NPHP3: variants seen among roughly 807,000 people sequenced by gnomAD.
NPHP3 encodes nephrocystin-3.
Under a neutral mutation model 171.9 loss-of-function variants are expected in NPHP3, and 123 were observed. The ratio of observed to expected loss-of-function variants is 0.72; its 90% CI spans 0.62 to 0.83. The LOEUF (loss-of-function observed/expected upper bound fraction) is 0.83. Ranked by LOEUF, NPHP3 falls within the 40% of genes least tolerant of loss-of-function variation. The pLI is 0.00. For synonymous variants in NPHP3, 558 were observed against 579.2 expected (o/e 0.96, Z 0.52); for missense variants, 1,506 against 1,591.9 (o/e 0.95, Z 0.92).
chr3:132,689,539 A>G (rs1939248114), intron 19 of NPHP3, among the ~76,000 whole-genome samples: 2 of 152,186 alleles, frequency 1.3e-5, no homozygotes, highest in African/African-American at 4.8e-5. Flanking sequence ...ATTATGGCAC[A>G]CAGTAAGTAC....
chr3:132,695,579 C>T (rs1939432316), intron 15 of NPHP3, among the ~76,000 whole-genome samples: 1 of 152,114 alleles, frequency 6.6e-6, no homozygotes, highest in Non-Finnish European at 1.5e-5. Context: ...CTCATTGTAT[C>T]ACTGATGTTC....
intron 9 of NPHP3, 62 bp from the exon 10 acceptor site, chr3:132,701,595 C>G: frequency 9.7e-7 from 1 of 1,030,158 alleles, no homozygotes; most frequent in Middle Eastern, 2.1e-4. Context: ...ACTGAAGAGT[C>G]AACTTCTGAT....
At chr3:132,714,218 C>T (rs559968220) in intron 5 of NPHP3, among the ~76,000 whole-genome samples, 1 of 152,316 alleles carries the variant, frequency 6.6e-6, no homozygotes, top group South Asian at 2.1e-4. Flanking sequence ...CATATAATTT[C>T]CACATGTCAT....
chr3:132,717,006 A>T (rs1576686030), intron 3 of NPHP3, 97 bp from the exon 4 acceptor site: 2 of 1,273,130 alleles, frequency 1.6e-6, no homozygotes, highest in East Asian at 4.7e-5. Flanking sequence ...TTTAAAAAAT[A>T]TGAAAATATT....
In NPHP3 at chr3:132,683,527, A is replaced by G. The variant is rs751979531; in HGVS notation, c.3571-3T>C. The G allele has an allele frequency of 3.7e-6, 6 of 1,610,358 alleles. No individual in the cohort carries two copies. The East Asian group carries it at 8.9e-5, about 24-fold the overall frequency. ...GGTACAGCTTTGTCAAGTTTCCCCT[A>G]AAAAACAAGAGTTAAATCTAACAAA... On this transcript the variant is annotated splice_region_variant and splice_polypyrimidine_tract_variant and intron_variant, in intron 24 of 26. Coordinates refer to ENST00000337331, the MANE Select transcript of NPHP3 (RefSeq NM_153240.5).
chr3:132,719,660 A>AT, intron 2 of NPHP3, 45 bp downstream of exon 2: 1 of 1,330,406 alleles, frequency 7.5e-7, no homozygotes, highest in South Asian at 1.6e-5. Context: ...AGAATATACT[A>AT]TTTTATTCTA....
chr3:132,708,645 T>C (rs1425514699), intron 6 of NPHP3, among the ~76,000 whole-genome samples: 5 of 152,332 alleles, frequency 3.3e-5, no homozygotes, highest in East Asian at 3.9e-4. Context: ...ATAATTTCCA[T>C]GTTAACACAA....
chr3:132,718,252 ATT>A (rs1224233966), intron 3 of NPHP3: 1 of 284,134 alleles, frequency 3.5e-6, no homozygotes, highest in Non-Finnish European at 6.8e-6. Context: ...AAAATAGAAT[ATT>A]TTTCTTTTTT....
chr3:132,689,239 A>G lies in NPHP3; in HGVS notation c.2718T>C (p.Ser906=). The G allele has an allele frequency of 6.2e-7, 1 of 1,614,186 alleles. No individual in the cohort carries two copies. Among genetic ancestry groups the G allele is most frequent in the Non-Finnish European group, 8.5e-7 (1 of 1,179,974 alleles). The change falls in exon 20 of 27, where the codon AGT becomes AGC. Residue 906 remains serine (S), a synonymous_variant. Coordinates refer to ENST00000337331, the MANE Select transcript of NPHP3 (RefSeq NM_153240.5). ...YKRGHFAELL[S]YWQFVGKDKS... is the part of the protein sequence containing the mutation. ...TGTCTTTGCCAACAAACTGCCAATA[A>G]CTCAGCAACTCAGCAAAGTGTCCCC...
rs140740929 is a variant in NPHP3 at position 132,697,430 on chromosome 3, A to G, written c.1986-68T>C. On this transcript the variant is annotated intron_variant, in intron 13 of 26. Transcript: ENST00000337331. ...CAAGAACTGTAATTACCCATAACAC[A>G]ATTTAAAATCCACCACAGGAATTAA... 2.7e-4 allele frequency: 278 copies of G among 1,036,096 alleles called. No individual in the cohort carries two copies. In the African/African-American group the frequency reaches 3.6e-3, roughly 13 times the overall value. The allele number at this position is 1,036,096 out of a possible 1,614,324, so 64.2% of individuals were successfully genotyped here.
chr3:132,721,661 G>C lies in NPHP3; in HGVS notation c.393+302C>G, dbSNP rs1370552454. 3.6e-6 allele frequency: 2 copies of C among 558,058 alleles called. 1 individual carries two copies. Among genetic ancestry groups the C allele is most frequent in the South Asian group, 3.5e-5 (2 of 57,714 alleles). The allele number at this position is 558,058 out of a possible 1,614,324, so 34.6% of individuals were successfully genotyped here. ...CCAGAAATAGAAAAGCGGGGACCAG[G>C]CGCGGTGGCTCACTCCTGTAATCCC... On this transcript the variant is annotated intron_variant, in intron 1 of 26. Transcript: ENST00000337331.
chr3:132,695,259 A>G (rs1404071119), intron 15 of NPHP3: 9 of 306,850 alleles, frequency 2.9e-5, no homozygotes, highest in Non-Finnish European at 5.6e-5. Flanking sequence ...TATTATCCAG[A>G]AGCATGCCAC....
At chr3:132,690,476 A>C in intron 19 of NPHP3, 52 bp downstream of exon 19, 1 of 1,563,782 alleles carries the variant, frequency 6.4e-7, no homozygotes, top group South Asian at 1.1e-5. Flanking sequence ...TGTTAAACTG[A>C]ACAACTTTAA....
chr3:132,713,727 T>C (rs913683896), intron 5 of NPHP3, among the ~76,000 whole-genome samples: 2 of 152,164 alleles, frequency 1.3e-5, no homozygotes, highest in Non-Finnish European at 2.9e-5. Context: ...AACACATAAA[T>C]CTATAATTAA....
At chr3:132,698,216 C>CAGGT in intron 13 of NPHP3, among the ~76,000 whole-genome samples, 1 of 151,682 alleles carries the variant, frequency 6.6e-6, no homozygotes. Flanking sequence ...CCTGACCTCC[C>CAGGT]GATCCACCCG....
At chr3:132,694,355 A>G (rs1399429428) in intron 16 of NPHP3, among the ~76,000 whole-genome samples, 1 of 143,926 alleles carries the variant, frequency 6.9e-6, no homozygotes, top group East Asian at 2.0e-4. Flanking sequence ...GAAGGAAATT[A>G]TGTGTGTGTG....
At chr3:132,696,043 G>A (rs1249419721) in intron 15 of NPHP3, among the ~76,000 whole-genome samples, 1 of 151,898 alleles carries the variant, frequency 6.6e-6, no homozygotes, top group Admixed American at 6.6e-5. Context: ...GAGACAAGAA[G>A]TACTAGATTC....
intron 23 of NPHP3, 197 bp downstream of exon 23, chr3:132,686,061 AAG>A (rs1365348389): frequency 2.6e-5 from 14 of 532,290 alleles, no homozygotes; most frequent in Admixed American, 9.4e-5. Flanking sequence ...AAAAAAAAAA[AAG>A]AGTGTGAAAA....
In NPHP3 at chr3:132,702,986, C is replaced by T. The variant is rs528041386; in HGVS notation, c.1524+1212G>A. Among the ~76,000 whole-genome samples, 11 of 152,336 alleles carry T rather than the reference C, an allele frequency of 7.2e-5. No homozygotes were observed. The South Asian group carries it at 2.3e-3, about 32-fold the overall frequency. On this transcript the variant is annotated intron_variant, in intron 9 of 26. Transcript: ENST00000337331. Reference sequence around the variant, plus strand: ...TCAACTCCCAGATCTGCAATCTACTCACTGTGTACTCTTAGGCAAACCCTA... The same window carrying T: ...TCAACTCCCAGATCTGCAATCTACTTACTGTGTACTCTTAGGCAAACCCTA...
Sources: allele counts gnomAD v4.1 joint callset (sites outside exome capture counted in the v4.1 genomes callset), GRCh38; gene constraint gnomAD v4.1.1; transcripts MANE v1.5; gene names NCBI Gene and HGNC (gene_info 2026-07-23, HGNC 2026-07-21).